COL4A3: variants seen among roughly 807,000 people sequenced by gnomAD.
The protein encoded by COL4A3 is collagen alpha-3(IV) chain.
In COL4A3, 135 loss-of-function variants were observed where a neutral mutation model predicts 217.4. The ratio of observed to expected loss-of-function variants is 0.62; its 90% CI spans 0.54 to 0.72. COL4A3 has a LOEUF of 0.72. COL4A3 is among the 30% of genes least tolerant of loss of function. The probability of loss-of-function intolerance (pLI) is 0.00; values close to 1 mark genes in which losing one functional copy is unlikely to be tolerated. For synonymous variants in COL4A3, 690 were observed against 736.3 expected (o/e 0.94, Z 1.02); for missense variants, 1,868 against 2,119.9 (o/e 0.88, Z 2.33).
At chr2:227,178,196 AATACAATGT>A (rs2065748919) in intron 1 of COL4A3, among the ~76,000 whole-genome samples, 1 of 152,074 alleles carries the variant, frequency 6.6e-6, no homozygotes, top group African/African-American at 2.4e-5. Flanking sequence ...CAGCCTGGGT[AATACAATGT>A]GACCTCTCTC....
In COL4A3 at chr2:227,298,736, A is replaced by T. The variant is rs749600773; in HGVS notation, c.3806A>T (p.Asp1269Val). The change falls in exon 43 of 52, where the codon GAC becomes GTC. Residue 1269 changes from aspartate (D) to valine (V), a missense_variant. Coordinates refer to ENST00000396578, the MANE Select transcript of COL4A3 (RefSeq NM_000091.5). ...AGTCATGTAATAGGCATAAAAGGAG[A>T]CAAAGGGTCTATGGGCCACCCTGGC... ...PGSHVIGIKG[D>V]KGSMGHPGPK... 1 of 1,614,094 alleles carries T rather than the reference A, an allele frequency of 6.2e-7. No homozygotes were observed. Among genetic ancestry groups the T allele is most frequent in the Non-Finnish European group, 8.5e-7 (1 of 1,179,990 alleles).
intron 15 of COL4A3, 149 bp downstream of exon 15, chr2:227,254,864 A>G (rs966766144): frequency 1.4e-5 from 10 of 699,932 alleles, no homozygotes; most frequent in African/African-American, 5.3e-5. Context: ...TACTTACTCA[A>G]GTATCTAAGA....
At chr2:227,219,992 C>T (rs992560363) in intron 1 of COL4A3, among the ~76,000 whole-genome samples, 7 of 152,008 alleles carry the variant, frequency 4.6e-5, no homozygotes, top group Admixed American at 1.3e-4. Flanking sequence ...GATTTCTTCA[C>T]CTTCCCTGGG....
intron 1 of COL4A3, among the ~76,000 whole-genome samples, chr2:227,231,913 T>TC (rs2068429240): frequency 2.6e-4 from 1 of 3,788 alleles, no homozygotes; most frequent in Admixed American, 5.0e-3. Flanking sequence ...TTCATTCTAA[T>TC]TTTTTTTTGT....
chr2:227,295,983 G>A lies in COL4A3; in HGVS notation c.3565+667G>A, dbSNP rs80193623. On this transcript the variant is annotated intron_variant, in intron 41 of 51. Transcript: ENST00000396578. ...GATTGTTTGCACATTTCATTGACCC[G>A]TCTCAGCCACGCGTCCTATGAATGG... 2.3e-3 allele frequency among the ~76,000 whole-genome samples: 343 copies of A among 152,220 alleles called. 5 individuals are homozygous for A. The East Asian group carries it at 0.053, about 24-fold the overall frequency.
chr2:227,290,118 C>A, intron 36 of COL4A3, 30 bp downstream of exon 36: 1 of 1,579,950 alleles, frequency 6.3e-7, no homozygotes, highest in Non-Finnish European at 8.7e-7. Context: ...TATGAGCCCA[C>A]AAGCTCATGA....
chr2:227,251,122 T>C lies in COL4A3; in HGVS notation c.547-18T>C. On this transcript the variant is annotated intron_variant, in intron 9 of 51. Transcript: ENST00000396578. ...GAAGTAAATTTAAACTTACTCTTAT[T>C]CTTCTCTCAATTTCAAGGGTTTGCC... is the stretch of plus-strand genomic sequence containing the variant. The C allele has an allele frequency of 6.3e-7, 1 of 1,592,648 alleles. No individual in the cohort carries two copies. Among genetic ancestry groups the C allele is most frequent in the South Asian group, 1.1e-5 (1 of 90,586 alleles).
Position 227,218,894 on chromosome 2 carries a change from C to T in COL4A3, c.88-19074C>T, listed in dbSNP as rs2067640435. ...ATTAATAAAAATTCTTTTTTCATAT[C>T]CTTTCGTATTTCTACAAAACAGATG... On this transcript the variant is annotated intron_variant, in intron 1 of 51. Coordinates refer to ENST00000396578, the MANE Select transcript of COL4A3 (RefSeq NM_000091.5). 2.0e-5 allele frequency among the ~76,000 whole-genome samples: 3 copies of T among 152,132 alleles called. No homozygotes were observed. In the South Asian group the frequency reaches 6.2e-4, roughly 32 times the overall value.
intron 35 of COL4A3, 53 bp from the exon 36 acceptor site, chr2:227,289,946 A>G: frequency 6.5e-7 from 1 of 1,549,468 alleles, no homozygotes; most frequent in South Asian, 1.1e-5. Flanking sequence ...TTTATTAAAC[A>G]CATACTATGT....
At chr2:227,302,402 C>T (rs1352585744) in intron 43 of COL4A3, among the ~76,000 whole-genome samples, 1 of 152,066 alleles carries the variant, frequency 6.6e-6, no homozygotes, top group Non-Finnish European at 1.5e-5. Context: ...CTGGGCCAGG[C>T]ATGGTAGCTC....
intron 28 of COL4A3, among the ~76,000 whole-genome samples, chr2:227,279,079 C>CT (rs34554554): frequency 0.66 from 94,874 of 143,768 alleles, 31,467 homozygotes; most frequent in South Asian, 0.76. Flanking sequence ...CGTTCTATAT[C>CT]TTTTTTTTTT....
chr2:227,218,080 C>CCATATATATATATATATATATATA (rs2067598273), intron 1 of COL4A3, among the ~76,000 whole-genome samples: 4 of 118,378 alleles, frequency 3.4e-5, no homozygotes. Flanking sequence ...ATATATATAG[C>CCATATATATATATATATATATATA]TATATATATA....
chr2:227,180,129 G>A (rs779479201), intron 1 of COL4A3, among the ~76,000 whole-genome samples: 13 of 152,266 alleles, frequency 8.5e-5, no homozygotes, highest in Non-Finnish European at 1.8e-4. Context: ...CCTTGTCAGC[G>A]ATTAGTAGCA....
At chr2:227,307,149 C>T (rs1398627896) in intron 47 of COL4A3, among the ~76,000 whole-genome samples, 1 of 152,018 alleles carries the variant, frequency 6.6e-6, no homozygotes, top group Non-Finnish European at 1.5e-5. Context: ...AATAAACTAA[C>T]CCTTATTACA....
chr2:227,276,025 T>A (rs188946916), intron 26 of COL4A3, among the ~76,000 whole-genome samples: 1 of 152,376 alleles, frequency 6.6e-6, no homozygotes, highest in African/African-American at 2.4e-5. Context: ...CAAATCTGAT[T>A]TTCAATGTGA....
chr2:227,240,109 C>CTG, intron 2 of COL4A3, 34 bp from the exon 3 acceptor site: 1 of 1,527,856 alleles, frequency 6.5e-7, no homozygotes, highest in Non-Finnish European at 9.0e-7. Flanking sequence ...AGTTGCTGCT[C>CTG]TGTGTGTTTC....
In COL4A3 at chr2:227,312,644, ATT is replaced by A. The variant is rs1392169235; in HGVS notation, c.*775_*776del. The A allele has an allele frequency of 1.3e-5, 2 of 152,638 alleles. No homozygotes were observed. Among genetic ancestry groups the A allele is most frequent in the African/African-American group, 4.8e-5 (2 of 41,460 alleles). The allele number at this position is 152,638 out of a possible 1,614,324, so 9.5% of individuals were successfully genotyped here. A position where few individuals can be genotyped will look rare whatever the true frequency, so the allele number is the denominator to read the frequency against. ...CTTAGTGAATTAGTTTTAAAATGAT[ATT>A]GTTATATACATACTATGAAATATGT... On this transcript the variant is annotated 3_prime_UTR_variant, in exon 52 of 52. Transcript: ENST00000396578.
chr2:227,311,888 G>T lies in COL4A3; in HGVS notation c.*18G>T. On this transcript the variant is annotated 3_prime_UTR_variant, in exon 52 of 52. Transcript: ENST00000396578. The stretch of plus-strand genomic sequence containing the variant: ...GACACTGAAGCTAAAAAAGACAGCA[G>T]AACTGCTATTTTTCATCCTAAAGAA... The T allele has an allele frequency of 6.2e-7, 1 of 1,613,538 alleles. No homozygotes were observed. Among genetic ancestry groups the T allele is most frequent in the South Asian group, 1.1e-5 (1 of 91,000 alleles).
At chr2:227,186,967 T>C (rs1244247709) in intron 1 of COL4A3, among the ~76,000 whole-genome samples, 1 of 152,164 alleles carries the variant, frequency 6.6e-6, no homozygotes, top group African/African-American at 2.4e-5. Context: ...GCAAATTCCC[T>C]TGGGACTCTT....
Sources: gnomAD v4.1 joint callset for allele counts (sites outside exome capture counted in the v4.1 genomes callset) on GRCh38, gnomAD v4.1.1 for gene constraint, MANE v1.5 for transcripts, NCBI Gene and HGNC (gene_info 2026-07-23, HGNC 2026-07-21) for gene names.